Variants in RASAL3 observed in about 807,000 individuals in gnomAD.
RASAL3 encodes the protein RAS protein activator like-3.
In RASAL3, 74 loss-of-function variants were observed where a neutral mutation model predicts 105.5. The observed-to-expected ratio is 0.70, with a 90% CI of 0.58 to 0.85. The LOEUF (loss-of-function observed/expected upper bound fraction) is 0.85. Among genes scored for constraint, RASAL3 ranks in the 40% least tolerant of loss-of-function variants. The pLI is 0.00. For missense variants in RASAL3, 1,352 were observed against 1,392.0 expected (o/e 0.97, Z 0.46); for synonymous variants, 579 against 591.6 (o/e 0.98, Z 0.31).
rs766058411 is a variant in RASAL3 at position 15,454,671 on chromosome 19, G to C, written c.1944C>G (p.Leu648=). Residue 648 remains leucine, a synonymous_variant, in exon 12 of 18, where the codon CTC becomes CTG. Coordinates refer to ENST00000343625, the MANE Select transcript of RASAL3 (RefSeq NM_022904.3). Reference sequence around the variant, plus strand: ...CCAGCACCTACGGGGCACGGTTGGCGAGGTTCTGGATGACCTTGGCAATCA... The same window carrying C: ...CCAGCACCTACGGGGCACGGTTGGCCAGGTTCTGGATGACCTTGGCAATCA... ...LTLIAKVIQN[L]ANRAPFGEKE... is the part of the protein sequence containing the mutation. The C allele has an allele frequency of 6.2e-6, 10 of 1,609,194 alleles. No individual in the cohort carries two copies. Among genetic ancestry groups the C allele is most frequent in the Non-Finnish European group, 6.8e-6 (8 of 1,176,682 alleles).
intron 8 of RASAL3, 126 bp downstream of exon 8, chr19:15,458,202 C>G (rs187454917): frequency 2.4e-6 from 2 of 835,338 alleles, no homozygotes; most frequent in Non-Finnish European, 3.8e-6. Flanking sequence ...GCCGTTGCAA[C>G]GATGCAGGCG....
Position 15,464,368 on chromosome 19 carries a change from G to C in RASAL3, c.-10C>G, listed in dbSNP as rs1361548958. On this transcript the variant is annotated 5_prime_UTR_variant, in exon 2 of 18. Transcript: ENST00000343625. ...GCGACGGTGGGTCCATGGTTGGGGGGGGGGGTCTCCTGGGGGACGAGAGAG... is the reference window on the plus strand; with the variant it reads ...GCGACGGTGGGTCCATGGTTGGGGGCGGGGGTCTCCTGGGGGACGAGAGAG... 2 of 1,572,350 alleles carry C rather than the reference G, an allele frequency of 1.3e-6. No individual in the cohort carries two copies. Among genetic ancestry groups the C allele is most frequent in the South Asian group, 1.1e-5 (1 of 89,818 alleles).
Position 15,461,242 on chromosome 19 carries a change from C to A in RASAL3, c.520G>T (p.Ala174Ser), listed in dbSNP as rs201931477. The A allele has an allele frequency of 2.6e-4, 416 of 1,613,918 alleles. No individual in the cohort carries two copies. The African/African-American group carries it at 5.1e-3, about 20-fold the overall frequency. Residue 174 changes from alanine (A) to serine (S), a missense_variant, in exon 4 of 18, where the codon GCC (alanine) becomes TCC (serine). Around this residue, in one of 3 missense-constraint regions of RASAL3, gnomAD observed 344 missense variants for 339.6 expected, o/e 1.01. Coordinates refer to ENST00000343625, the MANE Select transcript of RASAL3 (RefSeq NM_022904.3). ...SASSEGSIHV[A>S]MGNFRDPDRM... ...CCTGGATCCCTGAAGTTCCCCATGG[C>A]CACGTGGATGCTGCCCTCGGAGCTA...
Position 15,457,637 on chromosome 19 carries a change from C to G in RASAL3, c.1086G>C (p.Pro362=), listed in dbSNP as rs1970368215. 1 of 1,413,558 alleles carries G rather than the reference C, an allele frequency of 7.1e-7. No individual in the cohort carries two copies. Among genetic ancestry groups the G allele is most frequent in the African/African-American group, 1.5e-5 (1 of 65,166 alleles). The allele number at this position is 1,413,558 out of a possible 1,614,324, so 87.6% of individuals were successfully genotyped here. ...GCAGCCGCAGCGACAGGCGACGTGCCGGTGGCAGCGCCTCGAAGTGGAAGC... is the reference window on the plus strand; with the variant it reads ...GCAGCCGCAGCGACAGGCGACGTGCGGGTGGCAGCGCCTCGAAGTGGAAGC... ...AERFHFEALP[P]ARRLSLRLRG... The change falls in exon 9 of 18, where the codon CCG becomes CCC. Residue 362 remains proline (P), a synonymous_variant. Transcript: ENST00000343625. This position sits in a 1 kb window ranked among gnomAD's most constrained non-coding sequence, Gnocchi z 8.6.
In RASAL3 at chr19:15,453,578, C is replaced by G. The variant is rs1170660077; in HGVS notation, c.2280-81G>C. On this transcript the variant is annotated intron_variant, in intron 14 of 17. Coordinates refer to ENST00000343625, the MANE Select transcript of RASAL3 (RefSeq NM_022904.3). This position sits in a 1 kb window ranked among gnomAD's most constrained non-coding sequence, Gnocchi z 4.2. The stretch of plus-strand genomic sequence containing the variant: ...CCCGACCTGACCAGAAGTGACCTCA[C>G]CCCCCACGTGAACTTGTCCTTTCTT... 4.5e-6 allele frequency: 6 copies of G among 1,339,238 alleles called. No individual in the cohort carries two copies. The highest frequency in any genetic ancestry group is 2.7e-4 in the Middle Eastern group (1 of 3,758). The allele number at this position is 1,339,238 out of a possible 1,614,324, so 83.0% of individuals were successfully genotyped here.
chr19:15,453,488 T>C lies in RASAL3; in HGVS notation c.2289A>G (p.Ala763=). 1 of 1,530,192 alleles carries C rather than the reference T, an allele frequency of 6.5e-7. No homozygotes were observed. The allele number at this position is 1,530,192 out of a possible 1,614,324, so 94.8% of individuals were successfully genotyped here. The change falls in exon 15 of 18, where the codon GCA becomes GCG. Residue 763 remains alanine (A), a synonymous_variant. Coordinates refer to ENST00000343625, the MANE Select transcript of RASAL3 (RefSeq NM_022904.3). The surrounding 1 kb of genome is among the most constrained non-coding windows in gnomAD (Gnocchi z 4.2). ...PPAQVHSSLS[A]GEKPGFLAPR... ...GGGCCAGGAAGCCGGGCTTCTCCCC[T>C]GCGGAGAGGCTAGGGGTGGGATGGA...
chr19:15,458,614 A>T lies in RASAL3; in HGVS notation c.704T>A (p.Leu235His). ...CTCGGCACCCAGGTCCAGTTCAGAG[A>T]GTGTGGCCAGCGACTCCCTAGAGCC... Reference protein sequence around the residue: ...ALGSRESLATLSELDLGAERD... With the variant: ...ALGSRESLATHSELDLGAERD... The change falls in exon 7 of 18, where the codon CTC (leucine) becomes CAC (histidine). Residue 235 changes from leucine to histidine, a missense_variant. Around this residue, in one of 3 missense-constraint regions of RASAL3, gnomAD observed 344 missense variants for 339.6 expected, o/e 1.01. Coordinates refer to ENST00000343625, the MANE Select transcript of RASAL3 (RefSeq NM_022904.3). 6.2e-7 allele frequency: 1 copy of T among 1,613,506 alleles called. No individual in the cohort carries two copies.
Position 15,457,643 on chromosome 19 carries a change from C to T in RASAL3, c.1080G>A (p.Leu360=). ...GCAGCGACAGGCGACGTGCCGGTGG[C>T]AGCGCCTCGAAGTGGAAGCGCTCGG... The part of the protein sequence containing the change: ...FWAERFHFEA[L]PPARRLSLRL... Residue 360 remains leucine (L), a synonymous_variant, in exon 9 of 18, where the codon CTG becomes CTA. Coordinates refer to ENST00000343625, the MANE Select transcript of RASAL3 (RefSeq NM_022904.3). The surrounding 1 kb of genome is among the most constrained non-coding windows in gnomAD (Gnocchi z 8.6). The T allele has an allele frequency of 7.0e-7, 1 of 1,419,120 alleles. No individual in the cohort carries two copies. The highest frequency in any genetic ancestry group is 9.2e-7 in the Non-Finnish European group (1 of 1,086,222). 87.9% of individuals were successfully genotyped at this position (1,419,120 alleles called of 1,614,324 possible). A position where few individuals can be genotyped will look rare whatever the true frequency, so the allele number is the denominator to read the frequency against.
rs1175183908 is a variant in RASAL3 at position 15,454,374 on chromosome 19, G to A, written c.2147C>T (p.Ala716Val). 6.8e-6 allele frequency: 11 copies of A among 1,612,182 alleles called. No individual in the cohort carries two copies. The highest frequency in any genetic ancestry group is 9.3e-6 in the Non-Finnish European group (11 of 1,179,054). The change falls in exon 13 of 18, where the codon GCT becomes GTT. Residue 716 changes from alanine to valine, a missense_variant. Transcript: ENST00000343625. The part of the protein sequence containing the change: ...VLHAQLCTIF[A>V]ELDQTTRDTL... Reference sequence around the variant, plus strand: ...TTCAGGCCATACCTGGTCAAGCTCAGCAAAAATTGTACAGAGCTGGGCATG... The same window carrying A: ...TTCAGGCCATACCTGGTCAAGCTCAACAAAAATTGTACAGAGCTGGGCATG...
intron 14 of RASAL3, 50 bp downstream of exon 14, chr19:15,454,099 T>G: frequency 7.3e-7 from 1 of 1,362,228 alleles, no homozygotes; most frequent in Non-Finnish European, 1.0e-6. Context: ...GTCTGAGCCC[T>G]GCTCCTTCCT....
chr19:15,451,942 G>C lies in RASAL3; in HGVS notation c.2893-4C>G, dbSNP rs774106167. The C allele has an allele frequency of 1.2e-6, 2 of 1,610,728 alleles. No homozygotes were observed. Among genetic ancestry groups the C allele is most frequent in the Non-Finnish European group, 8.5e-7 (1 of 1,177,304 alleles). Reference sequence around the variant, plus strand: ...CCATCTCATTTAGGCGGTGCTCCTGGGGAGGCAGTGGTGATGGGGTTCAGA... The same window carrying C: ...CCATCTCATTTAGGCGGTGCTCCTGCGGAGGCAGTGGTGATGGGGTTCAGA... On this transcript the variant is annotated splice_region_variant and splice_polypyrimidine_tract_variant and intron_variant, in intron 17 of 17. Transcript: ENST00000343625.
intron 12 of RASAL3, 21 bp downstream of exon 12, chr19:15,454,636 C>A (rs747187200): frequency 6.2e-7 from 1 of 1,610,702 alleles, no homozygotes; most frequent in African/African-American, 1.3e-5. Flanking sequence ...GTCCCCCCAC[C>A]CCTAGCTTCC....
Position 15,457,926 on chromosome 19 carries a change from T to TG in RASAL3, c.889-93dup. ...GTGAAGCGTGGAGCCTCAAACCTGT[T>TG]GCGTCGGGTCCCTAGGGAGATTGCT... On this transcript the variant is annotated intron_variant, in intron 8 of 17. Transcript: ENST00000343625. The surrounding 1 kb of genome is among the most constrained non-coding windows in gnomAD (Gnocchi z 8.6). The TG allele has an allele frequency of 7.0e-7, 1 of 1,424,958 alleles. No individual in the cohort carries two copies. The highest frequency in any genetic ancestry group is 1.3e-5 in the South Asian group (1 of 78,212). 88.3% of individuals were successfully genotyped at this position (1,424,958 alleles called of 1,614,324 possible).
chr19:15,457,366 C>A lies in RASAL3; in HGVS notation c.1357G>T (p.Ala453Ser). The A allele has an allele frequency of 7.0e-7, 1 of 1,426,314 alleles. No individual in the cohort carries two copies. The highest frequency in any genetic ancestry group is 3.1e-5 in the Admixed American group (1 of 31,898). 88.4% of individuals were successfully genotyped at this position (1,426,314 alleles called of 1,614,324 possible). Residue 453 changes from alanine to serine, a missense_variant, in exon 9 of 18, where the codon GCG becomes TCG. Coordinates refer to ENST00000343625, the MANE Select transcript of RASAL3 (RefSeq NM_022904.3). This position sits in a 1 kb window ranked among gnomAD's most constrained non-coding sequence, Gnocchi z 8.6. ...YARLCGALEP[A>S]LPAQAKEELA... is the part of the protein sequence containing the mutation. Reference sequence around the variant, plus strand: ...TCCTCCTTGGCCTGCGCAGGCAGCGCGGGCTCCAGGGCCCCGCAGAGGCGC... The same window carrying A: ...TCCTCCTTGGCCTGCGCAGGCAGCGAGGGCTCCAGGGCCCCGCAGAGGCGC...
In RASAL3 at chr19:15,458,581, AC is replaced by A; in HGVS notation, c.736del (p.Val246CysfsTer19). ...GCTGGGGTGCAGTGGCCAGATCCGC[AC>A]ATCCCGCTCGGCACCCAGGTCCAGT... ...SELDLGAERD[V>X]RIWPLHPSLL... On this transcript the variant is annotated frameshift_variant, in exon 7 of 18. Transcript: ENST00000343625. LOFTEE classifies it high-confidence loss of function. 1 of 1,613,650 alleles carries A rather than the reference AC, an allele frequency of 6.2e-7. No homozygotes were observed. Among genetic ancestry groups the A allele is most frequent in the South Asian group, 1.1e-5 (1 of 91,008 alleles).
rs1252460292 is a variant in RASAL3 at position 15,454,359 on chromosome 19, A to G, written c.2160+2T>C. Reference sequence around the variant, plus strand: ...CCTCCCTACTCTGGGTTCAGGCCATACCTGGTCAAGCTCAGCAAAAATTGT... The same window carrying G: ...CCTCCCTACTCTGGGTTCAGGCCATGCCTGGTCAAGCTCAGCAAAAATTGT... On this transcript the variant is annotated splice_donor_variant, in intron 13 of 17. Coordinates refer to ENST00000343625, the MANE Select transcript of RASAL3 (RefSeq NM_022904.3). LOFTEE classifies it high-confidence loss of function. 1 of 1,609,040 alleles carries G rather than the reference A, an allele frequency of 6.2e-7. No individual in the cohort carries two copies. Among genetic ancestry groups the G allele is most frequent in the East Asian group, 2.2e-5 (1 of 44,774 alleles).
rs59747859 is a variant in RASAL3 at position 15,453,762 on chromosome 19, AT to A, written c.2280-266del. ...CAGCACATGCCACTATACCCAGGTA[AT>A]TTTTTTTTTTTTTGGTAGAGATGGG... is the stretch of plus-strand genomic sequence containing the variant. On this transcript the variant is annotated intron_variant, in intron 14 of 17. Coordinates refer to ENST00000343625, the MANE Select transcript of RASAL3 (RefSeq NM_022904.3). The surrounding 1 kb of genome is among the most constrained non-coding windows in gnomAD (Gnocchi z 4.2). Among the ~76,000 whole-genome samples, 2,482 of 142,296 alleles carry A rather than the reference AT, an allele frequency of 0.017. 54 individuals carry two copies. Among genetic ancestry groups the A allele is most frequent in the African/African-American group, 0.053 (2,052 of 38,952 alleles). The allele number at this position is 142,296 out of a possible 152,430, so 93.4% of individuals were successfully genotyped here.
At position 15,464,308 on chromosome 19, in the gene RASAL3, G is replaced by A. The variant is rs745483480; in HGVS notation, c.51C>T (p.Thr17=). 1.2e-6 allele frequency: 2 copies of A among 1,611,726 alleles called. No homozygotes were observed. The highest frequency in any genetic ancestry group is 1.7e-6 in the Non-Finnish European group (2 of 1,179,412). The change falls in exon 2 of 18, where the codon ACC becomes ACT. Residue 17 remains threonine (T), a synonymous_variant. Coordinates refer to ENST00000343625, the MANE Select transcript of RASAL3 (RefSeq NM_022904.3). ...GCCAGCGGTAGGAAGTCAGCGGAGA[G>A]GTGGCTGTGGGCTGGGTTTGGGAGG... ...SRTSQTQPTA[T]SPLTSYRWHT...
chr19:15,452,016 C>T, intron 17 of RASAL3, 29 bp downstream of exon 17: 1 of 1,613,918 alleles, frequency 6.2e-7, no homozygotes, highest in Non-Finnish European at 8.5e-7. Context: ...CCGCCCAGAC[C>T]TGCCCCAGGG....
Sources: allele counts gnomAD v4.1 joint callset (sites outside exome capture counted in the v4.1 genomes callset), GRCh38; gene constraint gnomAD v4.1.1; regional missense constraint gnomAD v4.1.1; non-coding constraint Gnocchi (gnomAD v3.1); transcripts MANE v1.5; gene names NCBI Gene and HGNC (gene_info 2026-07-23, HGNC 2026-07-21).